Variants in LYPLAL1 observed in about 807,000 individuals in gnomAD.
The protein encoded by LYPLAL1 is lysophospholipase-like protein 1.
In LYPLAL1, 23 loss-of-function variants were observed where a neutral mutation model predicts 19.7. The ratio of observed to expected loss-of-function variants is 1.17; its 90% CI spans 0.84 to 1.65. The LOEUF (loss-of-function observed/expected upper bound fraction) is 1.65, where lower values mean the gene tolerates loss of function less well. LYPLAL1 is among the 40% of genes most tolerant of loss of function. The probability of loss-of-function intolerance (pLI) is 0.00; values close to 1 mark genes in which losing one functional copy is unlikely to be tolerated. For synonymous variants in LYPLAL1, 119 were observed against 96.3 expected, an observed-to-expected ratio of 1.24 and a Z score of -1.38; for missense variants, 355 against 279.4, an observed-to-expected ratio of 1.27 and a Z score of -1.93.
At chr1:219,338,094 T>A in the LYPLAL1 span, among the ~76,000 whole-genome samples, 1 of 152,034 alleles carries the variant, frequency 6.6e-6, no homozygotes, top group Non-Finnish European at 1.5e-5. Flanking sequence ...TTACGTGGTT[T>A]GGATGGAACT....
chr1:219,286,252 C>A, the LYPLAL1 span, among the ~76,000 whole-genome samples: 1 of 152,122 alleles, frequency 6.6e-6, no homozygotes, highest in Non-Finnish European at 1.5e-5. Flanking sequence ...GCCATGAGAT[C>A]ATTTGGGGAC....
chr1:219,201,733 T>G (rs1281378662), intron 3 of LYPLAL1, among the ~76,000 whole-genome samples: 1 of 152,180 alleles, frequency 6.6e-6, no homozygotes, highest in Non-Finnish European at 1.5e-5. Context: ...TGTATAGTTC[T>G]TTAACCAGCC....
At chr1:219,296,933 A>C in the LYPLAL1 span, among the ~76,000 whole-genome samples, 1 of 152,166 alleles carries the variant, frequency 6.6e-6, no homozygotes, top group African/African-American at 2.4e-5. Flanking sequence ...TCTTTGGAAA[A>C]TGGATTTGAG....
the LYPLAL1 span, among the ~76,000 whole-genome samples, chr1:219,419,022 G>T: frequency 6.6e-6 from 1 of 152,048 alleles, no homozygotes; most frequent in South Asian, 2.1e-4. Context: ...CCATTGTCTG[G>T]ATGTACTTCA....
At chr1:219,293,088 A>G in the LYPLAL1 span, among the ~76,000 whole-genome samples, 1 of 152,156 alleles carries the variant, frequency 6.6e-6, no homozygotes, top group South Asian at 2.1e-4. Flanking sequence ...CGTCTGATCA[A>G]TTCTTTCAAA....
At chr1:219,323,944 A>G in the LYPLAL1 span, among the ~76,000 whole-genome samples, 231 of 152,274 alleles carry the variant, frequency 1.5e-3, 1 homozygote, top group African/African-American at 5.3e-3. Flanking sequence ...CTTTCTGAAC[A>G]TCTGTCATGT....
chr1:219,245,909 A>T, the LYPLAL1 span, among the ~76,000 whole-genome samples: 6 of 152,164 alleles, frequency 3.9e-5, no homozygotes, highest in Admixed American at 6.5e-5. Context: ...GTCGATAAAC[A>T]ACAGAGAGAC....
intron 3 of LYPLAL1, among the ~76,000 whole-genome samples, chr1:219,206,009 A>G (rs1658542545): frequency 6.6e-6 from 1 of 152,146 alleles, no homozygotes; most frequent in African/African-American, 2.4e-5. Context: ...ATAATAGTAT[A>G]CCAGTTAAAT....
chr1:219,256,719 C>T, the LYPLAL1 span, among the ~76,000 whole-genome samples: 44 of 152,042 alleles, frequency 2.9e-4, no homozygotes, highest in South Asian at 2.1e-3. Flanking sequence ...TGTAAGATAA[C>T]GGATTCCTTC....
chr1:219,352,987 G>A, the LYPLAL1 span, among the ~76,000 whole-genome samples: 2 of 152,194 alleles, frequency 1.3e-5, no homozygotes, highest in Non-Finnish European at 2.9e-5. Flanking sequence ...CAACTGTCAT[G>A]CGTAACTGGT....
the LYPLAL1 span, among the ~76,000 whole-genome samples, chr1:219,236,971 A>G: frequency 6.9e-6 from 1 of 145,230 alleles, no homozygotes; most frequent in African/African-American, 2.6e-5. Flanking sequence ...TGTAAGAGAA[A>G]GCACTTCAGT....
In LYPLAL1 at chr1:219,212,349, T is replaced by C. The variant is rs954916156; in HGVS notation, c.*621T>C. ...CCAAATTGCTGCTCTGTTTTAGGTC[T>C]CAATTTCATCTGTAAAATGATACTA... On this transcript the variant is annotated 3_prime_UTR_variant, in exon 5 of 5. Transcript: ENST00000366928. 2.0e-5 allele frequency: 3 copies of C among 152,046 alleles called. No homozygotes were observed. In the East Asian group the frequency reaches 5.8e-4, roughly 29 times the overall value. The allele number at this position is 152,046 out of a possible 1,614,324, so 9.4% of individuals were successfully genotyped here.
chr1:219,211,533 G>A lies in LYPLAL1; in HGVS notation c.519G>A (p.Gln173=), dbSNP rs1349514621. The stretch of plus-strand genomic sequence containing the variant: ...ATGGTGTACTTCCTGAATTATTTCA[G>A]TGTCATGGTACTGCAGATGAGTTAG... ...KSNGVLPELF[Q]CHGTADELVL... The change falls in exon 5 of 5, where the codon CAG becomes CAA. Residue 173 remains glutamine (Q), a synonymous_variant. Transcript: ENST00000366928. The A allele has an allele frequency of 6.2e-7, 1 of 1,612,788 alleles. No homozygotes were observed. Among genetic ancestry groups the A allele is most frequent in the Non-Finnish European group, 8.5e-7 (1 of 1,179,136 alleles).
At chr1:219,206,724 T>TC (rs1658598771) in intron 3 of LYPLAL1, among the ~76,000 whole-genome samples, 1 of 143,248 alleles carries the variant, frequency 7.0e-6, no homozygotes, top group Admixed American at 7.0e-5. Context: ...TCTTTCTCTC[T>TC]TTTTTTTTTT....
chr1:219,405,515 G>A, the LYPLAL1 span, among the ~76,000 whole-genome samples: 1 of 152,110 alleles, frequency 6.6e-6, no homozygotes, highest in African/African-American at 2.4e-5. Flanking sequence ...ACACACACAC[G>A]TATATATCTA....
chr1:219,396,864 G>A, the LYPLAL1 span, among the ~76,000 whole-genome samples: 2 of 152,178 alleles, frequency 1.3e-5, no homozygotes, highest in African/African-American at 4.8e-5. Context: ...TTTGTAAACA[G>A]GGATAGTTTG....
In LYPLAL1 at chr1:219,188,601, A is replaced by G. The variant is rs1656910852; in HGVS notation, c.192-4481A>G. Among the ~76,000 whole-genome samples, 4 of 151,918 alleles carry G rather than the reference A, an allele frequency of 2.6e-5. No individual in the cohort carries two copies. The South Asian group carries it at 8.3e-4, about 31-fold the overall frequency. On this transcript the variant is annotated intron_variant, in intron 2 of 4. Transcript: ENST00000366928. ...AGACTGGTGCCAATTTGTTAACTTA[A>G]AGGTTATGAATGAACTTTCGATTTT... is the stretch of plus-strand genomic sequence containing the variant.
the LYPLAL1 span, among the ~76,000 whole-genome samples, chr1:219,256,230 A>G: frequency 6.6e-6 from 1 of 151,950 alleles, no homozygotes. Flanking sequence ...AACTCTTAAC[A>G]GGTAAAGGAC....
At chr1:219,344,569 C>T in the LYPLAL1 span, among the ~76,000 whole-genome samples, 1 of 152,204 alleles carries the variant, frequency 6.6e-6, no homozygotes, top group Non-Finnish European at 1.5e-5. Context: ...ACAGCCTTAA[C>T]ATTTTCTTGA....
Sources: allele counts gnomAD v4.1 joint callset (sites outside exome capture counted in the v4.1 genomes callset), GRCh38; gene constraint gnomAD v4.1.1; transcripts MANE v1.5; gene names NCBI Gene and HGNC (gene_info 2026-07-23, HGNC 2026-07-21).